Variants in CNNM4 observed in about 807,000 individuals in gnomAD.
CNNM4 encodes cyclin and CBS domain divalent metal cation transport mediator 4.
In CNNM4, 32 loss-of-function variants were observed where a neutral mutation model predicts 53.7. The observed-to-expected ratio is 0.60, with a 90% CI of 0.45 to 0.80. The LOEUF (loss-of-function observed/expected upper bound fraction) is 0.80, where lower values mean the gene tolerates loss of function less well. CNNM4 is among the 30% of genes least tolerant of loss of function. The pLI is 0.00. For synonymous variants in CNNM4, 410 were observed against 440.0 expected (o/e 0.93, Z 0.85); for missense variants, 784 against 1,022.0 (o/e 0.77, Z 3.17).
At position 96,797,587 on chromosome 2, in the gene CNNM4, G is replaced by C; in HGVS notation, c.1621G>C (p.Glu541Gln). 1 of 1,614,218 alleles carries C rather than the reference G, an allele frequency of 6.2e-7. No individual in the cohort carries two copies. The highest frequency in any genetic ancestry group is 2.2e-5 in the East Asian group (1 of 44,890). Reference protein sequence around the residue: ...DFSAFKDADNELKVKISPQLL... With the variant: ...DFSAFKDADNQLKVKISPQLL... ...CTCTGCCTTCAAGGATGCGGACAAT[G>C]AGCTCAAAGTGAAAATCTCCCCGCA... Residue 541 changes from glutamate (E) to glutamine (Q), a missense_variant, in exon 3 of 7, where the codon GAG (glutamate) becomes CAG (glutamine). By Grantham distance (29) the Glu-to-Gln change is conservative (BLOSUM62 2). Coordinates refer to ENST00000377075, the MANE Select transcript of CNNM4 (RefSeq NM_020184.4). This position sits in a 1 kb window ranked among gnomAD's most constrained non-coding sequence, Gnocchi z 6.0.
chr2:96,793,820 G>C (rs2079081655), intron 1 of CNNM4, among the ~76,000 whole-genome samples: 1 of 152,112 alleles, frequency 6.6e-6, no homozygotes, highest in African/African-American at 2.4e-5. Flanking sequence ...AAAATTAGCT[G>C]GGTATGGTGG....
chr2:96,779,009 T>G (rs902646834), intron 1 of CNNM4, among the ~76,000 whole-genome samples: 3 of 152,054 alleles, frequency 2.0e-5, no homozygotes, highest in African/African-American at 7.2e-5. Flanking sequence ...CAGGCTGGAG[T>G]GCAGTGGCGC....
In CNNM4 at chr2:96,761,437, G is replaced by A; in HGVS notation, c.438G>A (p.Lys146=). 1.9e-6 allele frequency: 3 copies of A among 1,614,162 alleles called. No individual in the cohort carries two copies. Among genetic ancestry groups the A allele is most frequent in the Non-Finnish European group, 2.5e-6 (3 of 1,180,030 alleles). Residue 146 remains lysine, a synonymous_variant, in exon 1 of 7, where the codon AAG becomes AAA. Transcript: ENST00000377075. This position sits in a 1 kb window ranked among gnomAD's most constrained non-coding sequence, Gnocchi z 6.0. ...TKFLRRSESM[K]LYALCTRAQP... is the part of the protein sequence containing the mutation. ...TCCTCCGGAGGAGCGAGAGCATGAAGCTGTATGCACTGTGCACCCGGGCCC... is the reference window on the plus strand; with the variant it reads ...TCCTCCGGAGGAGCGAGAGCATGAAACTGTATGCACTGTGCACCCGGGCCC...
In CNNM4 at chr2:96,800,588, AG is replaced by A. The variant is rs1330496731; in HGVS notation, c.1948+944del. ...GTGGGGCATGGCAGGCTCCCTGGGC[AG>A]GGGACAGACAGGGCCCCAGAGCGGG... On this transcript the variant is annotated intron_variant, in intron 5 of 6. Transcript: ENST00000377075. The surrounding 1 kb of genome is among the most constrained non-coding windows in gnomAD (Gnocchi z 4.6). Among the ~76,000 whole-genome samples, 2 of 152,196 alleles carry A rather than the reference AG, an allele frequency of 1.3e-5. No individual in the cohort carries two copies. Among genetic ancestry groups the A allele is most frequent in the Non-Finnish European group, 2.9e-5 (2 of 68,026 alleles).
rs1434215831 is a variant in CNNM4 at position 96,801,715 on chromosome 2, ACACACATGCAGAGAC to A, written c.1948+2074_1948+2088del. 2.8e-5 allele frequency among the ~76,000 whole-genome samples: 4 copies of A among 140,536 alleles called. No individual in the cohort carries two copies. Among genetic ancestry groups the A allele is most frequent in the African/African-American group, 1.3e-4 (4 of 31,806 alleles). 92.2% of individuals were successfully genotyped at this position (140,536 alleles called of 152,430 possible). A position where few individuals can be genotyped will look rare whatever the true frequency, so the allele number is the denominator to read the frequency against. ...GAGACCACACACACGCAGAGAGACCACACACATGCAGAGACCACACACACCCAGAGACCACACACC... is the reference window on the plus strand; with the variant it reads ...GAGACCACACACACGCAGAGAGACCACACACACACCCAGAGACCACACACC... On this transcript the variant is annotated intron_variant, in intron 5 of 6. Coordinates refer to ENST00000377075, the MANE Select transcript of CNNM4 (RefSeq NM_020184.4). The surrounding 1 kb of genome is among the most constrained non-coding windows in gnomAD (Gnocchi z 5.6).
intron 1 of CNNM4, among the ~76,000 whole-genome samples, chr2:96,772,335 C>G (rs1217883362): frequency 1.4e-5 from 2 of 144,954 alleles, no homozygotes; most frequent in Admixed American, 6.9e-5. Context: ...CACACACACT[C>G]ATACCCCTCA....
chr2:96,778,811 A>T (rs1401013646), intron 1 of CNNM4, among the ~76,000 whole-genome samples: 1 of 152,092 alleles, frequency 6.6e-6, no homozygotes, highest in African/African-American at 2.4e-5. Context: ...CACTCTGCGG[A>T]TTTTAGCCTT....
intron 1 of CNNM4, among the ~76,000 whole-genome samples, chr2:96,777,204 A>G (rs2078932783): frequency 6.6e-6 from 1 of 150,826 alleles, no homozygotes; most frequent in Admixed American, 6.6e-5. Context: ...TATTTTTAGT[A>G]GAAACAGGGT....
At chr2:96,786,094 GA>G (rs913149541) in intron 1 of CNNM4, among the ~76,000 whole-genome samples, 21 of 144,740 alleles carry the variant, frequency 1.5e-4, no homozygotes, top group South Asian at 4.4e-4. Context: ...CTCAAATAAA[GA>G]AAAAAAAAAG....
At chr2:96,764,769 C>T (rs564671482) in intron 1 of CNNM4, among the ~76,000 whole-genome samples, 1 of 152,206 alleles carries the variant, frequency 6.6e-6, no homozygotes, top group Non-Finnish European at 1.5e-5. Context: ...GGACAGATCA[C>T]GAGGTCAGGA....
At chr2:96,803,182 C>G (rs2079173696) in intron 5 of CNNM4, among the ~76,000 whole-genome samples, 1 of 152,188 alleles carries the variant, frequency 6.6e-6, no homozygotes, top group Non-Finnish European at 1.5e-5. Context: ...CTCAGCCTCC[C>G]TCCCCTCCTC....
At chr2:96,806,535 A>ACGCGCGCGCG (rs1553479692) in intron 5 of CNNM4, among the ~76,000 whole-genome samples, 10 of 123,940 alleles carry the variant, frequency 8.1e-5, no homozygotes, top group Non-Finnish European at 1.6e-4. Context: ...ACACACACAC[A>ACGCGCGCGCG]CGCGCGCGCG....
intron 1 of CNNM4, among the ~76,000 whole-genome samples, chr2:96,789,691 T>G (rs1460738315): frequency 1.3e-5 from 2 of 151,920 alleles, no homozygotes; most frequent in Admixed American, 6.6e-5. Context: ...TATTTTATTT[T>G]ATTAGTTAAT....
At chr2:96,787,945 CAG>C (rs2079028909) in intron 1 of CNNM4, among the ~76,000 whole-genome samples, 1 of 152,226 alleles carries the variant, frequency 6.6e-6, no homozygotes, top group African/African-American at 2.4e-5. Flanking sequence ...GTTTTTGAGA[CAG>C]AGTCTCGCTG....
chr2:96,805,433 TTTTTTTA>T (rs1558997422), intron 5 of CNNM4, among the ~76,000 whole-genome samples: 2 of 140,346 alleles, frequency 1.4e-5, no homozygotes, highest in Non-Finnish European at 3.0e-5. Flanking sequence ...TTTTTTTTTT[TTTTTTTA>T]TTATTTTTTT....
At chr2:96,788,238 T>A (rs925317245) in intron 1 of CNNM4, among the ~76,000 whole-genome samples, 29 of 152,216 alleles carry the variant, frequency 1.9e-4, no homozygotes, top group Non-Finnish European at 3.1e-4. Context: ...CTACACTGTT[T>A]TAATCGCTGT....
chr2:96,765,323 G>A (rs1215027792), intron 1 of CNNM4, among the ~76,000 whole-genome samples: 3 of 151,496 alleles, frequency 2.0e-5, no homozygotes, highest in Admixed American at 6.6e-5. Context: ...ACGGGGTTTC[G>A]CCATGTTGGT....
intron 5 of CNNM4, among the ~76,000 whole-genome samples, chr2:96,802,942 A>G (rs2079172135): frequency 6.6e-6 from 1 of 152,182 alleles, no homozygotes; most frequent in African/African-American, 2.4e-5. Context: ...TGTGCCCATC[A>G]GGAGCAGCAC....
intron 1 of CNNM4, among the ~76,000 whole-genome samples, chr2:96,764,514 C>A (rs2078795821): frequency 2.0e-5 from 3 of 152,088 alleles, no homozygotes; most frequent in Admixed American, 2.0e-4. Context: ...ATGAACAGGC[C>A]CTGCGGCTTT....
Sources: allele counts gnomAD v4.1 joint callset (sites outside exome capture counted in the v4.1 genomes callset), GRCh38; gene constraint gnomAD v4.1.1; non-coding constraint Gnocchi (gnomAD v3.1); transcripts MANE v1.5; gene names NCBI Gene and HGNC (gene_info 2026-07-23, HGNC 2026-07-21).